PCDHGB1: variants seen among roughly 807,000 people sequenced by gnomAD.
PCDHGB1 encodes the protein protocadherin gamma subfamily B, 1.
PCDHGB1 carries 34 observed loss-of-function variants against 56.6 expected under a neutral mutation model. The ratio of observed to expected loss-of-function variants is 0.60; its 90% CI spans 0.46 to 0.80. The LOEUF (loss-of-function observed/expected upper bound fraction) is 0.80, where lower values mean the gene tolerates loss of function less well. Ranked by LOEUF, PCDHGB1 falls within the 30% of genes least tolerant of loss-of-function variation. The pLI is 0.00. For missense variants in PCDHGB1, 1,278 were observed against 1,204.6 expected (o/e 1.06, Z -0.90); for synonymous variants, 561 against 505.9 (o/e 1.11, Z -1.46).
rs201458212 is a variant in PCDHGB1 at position 141,487,439 on chromosome 5, T to A, written c.2410-7368T>A. On this transcript the variant is annotated intron_variant, in intron 1 of 3. Coordinates refer to ENST00000523390, the MANE Select transcript of PCDHGB1 (RefSeq NM_018922.3). The surrounding 1 kb of genome is among the most constrained non-coding windows in gnomAD (Gnocchi z 5.0). ...TGGGATCCTCCGAATCCAGCTAGGG[T>A]CAGATGACCCTATCAAGTTTGTTGA... The A allele has an allele frequency of 1.5e-4, 242 of 1,613,808 alleles. No individual in the cohort carries two copies. Among genetic ancestry groups the A allele is most frequent in the Non-Finnish European group, 1.9e-4 (230 of 1,179,978 alleles).
chr5:141,458,249 GCT>G (rs1291613361), intron 1 of PCDHGB1, among the ~76,000 whole-genome samples: 1 of 152,136 alleles, frequency 6.6e-6, no homozygotes, highest in African/African-American at 2.4e-5. Flanking sequence ...AAATGATACG[GCT>G]CTGATGAGTG....
intron 1 of PCDHGB1, among the ~76,000 whole-genome samples, chr5:141,481,095 C>T (rs1456056389): frequency 1.3e-5 from 2 of 152,120 alleles, no homozygotes; most frequent in African/African-American, 2.4e-5. Context: ...AAAAGCAGTA[C>T]TCTGGAACCT....
intron 1 of PCDHGB1, chr5:141,364,802 C>A (rs1312102403): frequency 6.8e-6 from 11 of 1,613,888 alleles, no homozygotes; most frequent in African/African-American, 5.3e-5. Flanking sequence ...TCCCTTCGCG[C>A]GGGATGCGGA....
At chr5:141,448,305 A>C (rs910461420) in intron 1 of PCDHGB1, among the ~76,000 whole-genome samples, 1 of 152,092 alleles carries the variant, frequency 6.6e-6, no homozygotes, top group East Asian at 1.9e-4. Context: ...TTAATATCTC[A>C]AGGAATCTTT....
In PCDHGB1 at chr5:141,404,317, C is replaced by T. The variant is rs375857083; in HGVS notation, c.2409+51648C>T. On this transcript the variant is annotated intron_variant, in intron 1 of 3. Transcript: ENST00000523390. ...ATAATCCACCTGCTTTCTCTCAAGC[C>T]TCCTACTCAGTCTACCTCCCGGAAA... 6.2e-6 allele frequency: 10 copies of T among 1,613,780 alleles called. No homozygotes were observed. In the African/African-American group the frequency reaches 1.2e-4, roughly 19 times the overall value.
intron 1 of PCDHGB1, among the ~76,000 whole-genome samples, chr5:141,469,186 G>T (rs536021769): frequency 6.6e-6 from 1 of 151,978 alleles, no homozygotes; most frequent in Admixed American, 6.6e-5. Flanking sequence ...TGAGGCAAGA[G>T]GATTGCTTGA....
intron 1 of PCDHGB1, chr5:141,426,680 T>C (rs1261836011): frequency 2.3e-6 from 1 of 431,334 alleles, no homozygotes; most frequent in East Asian, 7.2e-5. Flanking sequence ...CACCTCATTT[T>C]CCCCAAAATA....
At chr5:141,361,662 G>A (rs377204571) in intron 1 of PCDHGB1, 3 of 1,613,714 alleles carry the variant, frequency 1.9e-6, no homozygotes, top group Non-Finnish European at 2.5e-6. Context: ...CCGTGAGCGC[G>A]CAGAGCGGGG....
In PCDHGB1 at chr5:141,431,464, G is replaced by C. The variant is rs1413324509; in HGVS notation, c.2410-63343G>C. On this transcript the variant is annotated intron_variant, in intron 1 of 3. Coordinates refer to ENST00000523390, the MANE Select transcript of PCDHGB1 (RefSeq NM_018922.3). This position sits in a 1 kb window ranked among gnomAD's most constrained non-coding sequence, Gnocchi z 4.8. ...GCATCCGCGTGATGGTTCTGGATGCGAACGACAACGCACCAGCGTTTGCTC... is the reference window on the plus strand; with the variant it reads ...GCATCCGCGTGATGGTTCTGGATGCCAACGACAACGCACCAGCGTTTGCTC... The C allele has an allele frequency of 6.2e-7, 1 of 1,613,664 alleles. No individual in the cohort carries two copies. Among genetic ancestry groups the C allele is most frequent in the African/African-American group, 1.3e-5 (1 of 74,950 alleles).
chr5:141,394,253 C>A (rs771138606), intron 1 of PCDHGB1: 1 of 1,613,986 alleles, frequency 6.2e-7, no homozygotes, highest in Admixed American at 1.7e-5. Flanking sequence ...ACGACCCCGA[C>A]AGCCAGGAGA....
At chr5:141,404,791 G>A (rs747844350) in intron 1 of PCDHGB1, 2 of 1,613,932 alleles carry the variant, frequency 1.2e-6, no homozygotes, top group Non-Finnish European at 8.5e-7. Flanking sequence ...AGGCCAGTGA[G>A]CCAGGGCTCT....
Position 141,432,757 on chromosome 5 carries a change from C to T in PCDHGB1, c.2410-62050C>T. On this transcript the variant is annotated intron_variant, in intron 1 of 3. Coordinates refer to ENST00000523390, the MANE Select transcript of PCDHGB1 (RefSeq NM_018922.3). This position sits in a 1 kb window ranked among gnomAD's most constrained non-coding sequence, Gnocchi z 6.0. ...TCACGCTCACCGTGGCCGTGGCCGA[C>T]AGCATCCCCCAAGTCCTGGCGGACC... is the stretch of plus-strand genomic sequence containing the variant. 1.2e-6 allele frequency: 2 copies of T among 1,614,150 alleles called. No individual in the cohort carries two copies. Among genetic ancestry groups the T allele is most frequent in the African/African-American group, 1.3e-5 (1 of 75,076 alleles).
chr5:141,421,429 G>A, intron 1 of PCDHGB1: 1 of 1,614,090 alleles, frequency 6.2e-7, no homozygotes, highest in Non-Finnish European at 8.5e-7. Context: ...AGTCCGCATC[G>A]TCTCCAGAGG....
At chr5:141,452,879 A>C (rs1389712789) in intron 1 of PCDHGB1, among the ~76,000 whole-genome samples, 1 of 152,200 alleles carries the variant, frequency 6.6e-6, no homozygotes, top group Admixed American at 6.5e-5. Context: ...CATTTGTAAT[A>C]ATTTATTCCA....
At chr5:141,398,670 A>T in intron 1 of PCDHGB1, 1 of 1,613,830 alleles carries the variant, frequency 6.2e-7, no homozygotes, top group Non-Finnish European at 8.5e-7. Flanking sequence ...TCTCATTAAT[A>T]ATTAAGGAGA....
At position 141,485,671 on chromosome 5, in the gene PCDHGB1, G is replaced by T; in HGVS notation, c.2410-9136G>T. On this transcript the variant is annotated intron_variant, in intron 1 of 3. Coordinates refer to ENST00000523390, the MANE Select transcript of PCDHGB1 (RefSeq NM_018922.3). This position sits in a 1 kb window ranked among gnomAD's most constrained non-coding sequence, Gnocchi z 5.7. The stretch of plus-strand genomic sequence containing the variant: ...AGGATGCAGATGTGGGGAGCAATTC[G>T]ATTAGCAGCTATAGGCTGAGCTCCA... 6.2e-7 allele frequency: 1 copy of T among 1,612,860 alleles called. No homozygotes were observed. The highest frequency in any genetic ancestry group is 8.5e-7 in the Non-Finnish European group (1 of 1,179,040).
At chr5:141,421,889 C>T (rs1280668349) in intron 1 of PCDHGB1, 5 of 1,613,574 alleles carry the variant, frequency 3.1e-6, no homozygotes, top group African/African-American at 1.3e-5. Flanking sequence ...GGAGGCGATC[C>T]CATCCGAAAG....
At chr5:141,422,041 G>T in intron 1 of PCDHGB1, 3 of 1,611,632 alleles carry the variant, frequency 1.9e-6, no homozygotes, top group South Asian at 1.1e-5. Context: ...GGATCCAGAC[G>T]AGGGAATCAA....
At chr5:141,414,514 G>A in intron 1 of PCDHGB1, 1 of 1,613,964 alleles carries the variant, frequency 6.2e-7, no homozygotes, top group Non-Finnish European at 8.5e-7. Context: ...GCTACAAGTG[G>A]CAGATATCAA....
Sources: gnomAD v4.1 joint callset for allele counts (sites outside exome capture counted in the v4.1 genomes callset) on GRCh38, gnomAD v4.1.1 for gene constraint, Gnocchi (gnomAD v3.1) non-coding constraint, MANE v1.5 for transcripts, NCBI Gene and HGNC (gene_info 2026-07-23, HGNC 2026-07-21) for gene names.